LRP1B: variants seen among roughly 807,000 people sequenced by gnomAD.
LRP1B encodes low-density lipoprotein receptor-related protein 1B.
Under a neutral mutation model 556.6 loss-of-function variants are expected in LRP1B, and 217 were observed. That is an observed-to-expected ratio of 0.39 (90% confidence interval 0.35 to 0.44). The LOEUF is 0.44. LRP1B is among the 20% of genes least tolerant of loss of function. The pLI, the probability that LRP1B is intolerant of heterozygous loss-of-function variation, is 1.00. For synonymous variants in LRP1B, 2,047 were observed against 1,865.8 expected (o/e 1.10, Z -2.50); for missense variants, 5,053 against 5,620.8 (o/e 0.90, Z 3.23).
intron 32 of LRP1B, among the ~76,000 whole-genome samples, chr2:140,796,401 T>C (rs1174809987): frequency 1.3e-5 from 2 of 152,112 alleles, no homozygotes; most frequent in African/African-American, 4.8e-5. Context: ...TGTTGGAACA[T>C]AGTATTTTAA....
At chr2:140,940,959 T>C (rs569917123) in intron 20 of LRP1B, among the ~76,000 whole-genome samples, 2 of 152,254 alleles carry the variant, frequency 1.3e-5, no homozygotes, top group Admixed American at 6.5e-5. Context: ...GTGATCACCA[T>C]TCCGACTGGC....
intron 7 of LRP1B, among the ~76,000 whole-genome samples, chr2:141,162,353 T>C (rs967530856): frequency 2.0e-5 from 3 of 152,006 alleles, no homozygotes; most frequent in South Asian, 2.1e-4. Context: ...CTGGAAGGTA[T>C]GGGGACGAAA....
chr2:140,477,765 C>T (rs547954446), intron 59 of LRP1B, among the ~76,000 whole-genome samples: 1 of 152,206 alleles, frequency 6.6e-6, no homozygotes, highest in Non-Finnish European at 1.5e-5. Flanking sequence ...TGAAGTCCAA[C>T]ATTTGTTACA....
Position 140,885,647 on chromosome 2 carries a change from G to A in LRP1B, c.3964+491C>T, listed in dbSNP as rs554505808. On this transcript the variant is annotated intron_variant, in intron 24 of 90. Coordinates refer to ENST00000389484, the MANE Select transcript of LRP1B (RefSeq NM_018557.3). ...ATTATAGGTGTGAGCCACCACACCC[G>A]GCTATTTATATCAAAGACTTTCTAC... Among the ~76,000 whole-genome samples, 41 of 151,904 alleles carry A rather than the reference G, an allele frequency of 2.7e-4. No homozygotes were observed. In the South Asian group the frequency reaches 4.4e-3, roughly 16 times the overall value.
chr2:140,494,129 A>T (rs949515224), intron 56 of LRP1B, among the ~76,000 whole-genome samples: 22 of 152,212 alleles, frequency 1.4e-4, no homozygotes, highest in Admixed American at 1.2e-3. Flanking sequence ...TGCTTTAAGA[A>T]CACATTTTTA....
chr2:141,364,917 G>C (rs768750418), intron 3 of LRP1B, among the ~76,000 whole-genome samples: 2 of 152,118 alleles, frequency 1.3e-5, no homozygotes, highest in Non-Finnish European at 2.9e-5. Flanking sequence ...AAAATTTGTA[G>C]TTACTTGGAC....
chr2:140,539,499 C>T (rs1001687649), intron 45 of LRP1B, among the ~76,000 whole-genome samples: 13 of 152,062 alleles, frequency 8.5e-5, no homozygotes, highest in Non-Finnish European at 1.9e-4. Context: ...CAGTTTTCTT[C>T]CTGATTCATT....
chr2:140,646,349 G>A (rs921761623), intron 41 of LRP1B, among the ~76,000 whole-genome samples: 5 of 152,202 alleles, frequency 3.3e-5, no homozygotes, highest in Non-Finnish European at 7.3e-5. Context: ...GTTATATTTA[G>A]AGTTCTTACG....
intron 60 of LRP1B, among the ~76,000 whole-genome samples, chr2:140,462,600 C>G (rs1479185738): frequency 6.6e-6 from 1 of 152,146 alleles, no homozygotes; most frequent in Non-Finnish European, 1.5e-5. Context: ...ATCTAATGTC[C>G]TTGCAATGCA....
At chr2:140,817,378 T>C (rs1310313710) in intron 31 of LRP1B, among the ~76,000 whole-genome samples, 1 of 151,958 alleles carries the variant, frequency 6.6e-6, no homozygotes. Context: ...GAAAAATTTA[T>C]CTTTTTACTT....
rs1682932722 is a variant in LRP1B, at chr2:141,481,910, A to G, written c.206-1377T>C. On this transcript the variant is annotated intron_variant, in intron 2 of 90. Coordinates refer to ENST00000389484, the MANE Select transcript of LRP1B (RefSeq NM_018557.3). The stretch of plus-strand genomic sequence containing the variant: ...TCATAGTTAAGTAAAAAATGTTCTC[A>G]GAAGGTAAGTTGCTTTTTGGTAAAT... Among the ~76,000 whole-genome samples, 2 of 152,162 alleles carry G rather than the reference A, an allele frequency of 1.3e-5. 1 individual carries two copies. The highest frequency in any genetic ancestry group is 4.1e-4 in the South Asian group (2 of 4,830).
At chr2:141,133,873 T>C (rs890831560) in intron 7 of LRP1B, among the ~76,000 whole-genome samples, 1 of 151,906 alleles carries the variant, frequency 6.6e-6, no homozygotes, top group African/African-American at 2.4e-5. Context: ...TCTCCGAAGG[T>C]CCAGATCCTA....
At chr2:140,751,791 G>A (rs1010190299) in intron 35 of LRP1B, among the ~76,000 whole-genome samples, 1 of 152,022 alleles carries the variant, frequency 6.6e-6, no homozygotes, top group Non-Finnish European at 1.5e-5. Context: ...TTTAAACCAA[G>A]CTGCCCTGAT....
intron 32 of LRP1B, among the ~76,000 whole-genome samples, chr2:140,801,889 A>T (rs770635230): frequency 6.6e-6 from 1 of 152,140 alleles, no homozygotes. Flanking sequence ...CTCCGACAAG[A>T]AGTTAAGTTC....
At chr2:141,923,484 GTGTA>G (rs1441184637) in intron 1 of LRP1B, among the ~76,000 whole-genome samples, 1 of 101,144 alleles carries the variant, frequency 9.9e-6, no homozygotes, top group African/African-American at 3.1e-5. Context: ...GTGTGTGTGT[GTGTA>G]GAGAGAGGGA....
intron 35 of LRP1B, among the ~76,000 whole-genome samples, chr2:140,724,803 G>A (rs538627407): frequency 0.072 from 871 of 12,140 alleles, 8 homozygotes; most frequent in Non-Finnish European, 0.24. Context: ...TTTAATTATC[G>A]AGATAAAAAA....
At chr2:141,336,018 T>A (rs943101007) in intron 3 of LRP1B, among the ~76,000 whole-genome samples, 1 of 150,266 alleles carries the variant, frequency 6.7e-6, no homozygotes, top group African/African-American at 2.5e-5. Context: ...TTAGGCTCGA[T>A]GTTATCTCAG....
Position 141,759,388 on chromosome 2 carries a change from A to G in LRP1B, c.205+50891T>C, listed in dbSNP as rs115761900. Among the ~76,000 whole-genome samples the G allele has an allele frequency of 6.5e-3, 989 of 152,286 alleles. 14 individuals carry two copies. The highest frequency in any genetic ancestry group is 0.023 in the African/African-American group (952 of 41,558). ...AGATGTGCTATTAGAATGCAGAGTC[A>G]AGAGTGGTAAGATGAAAAATAAATT... On this transcript the variant is annotated intron_variant, in intron 2 of 90. Transcript: ENST00000389484.
chr2:140,700,561 T>C lies in LRP1B; in HGVS notation c.6488A>G (p.Asn2163Ser). The change falls in exon 41 of 91, where the codon AAT becomes AGT. Residue 2163 changes from asparagine to serine, a missense_variant. Physicochemically the swap from Asn to Ser is conservative, Grantham distance 46 (BLOSUM62 1). This residue lies in a region of LRP1B where 3,619 missense variants were observed against 3,931.9 expected (regional missense o/e 0.92). Coordinates refer to ENST00000389484, the MANE Select transcript of LRP1B (RefSeq NM_018557.3). ...GGCACAAGCACAAGTTCTCCGGGAA[T>C]TTCCTCGATAAAGACAGAGTTGCTT... ...GCKQLCLYRG[N>S]SRRTCACAHG... 1 of 1,613,578 alleles carries C rather than the reference T, an allele frequency of 6.2e-7. No homozygotes were observed. Among genetic ancestry groups the C allele is most frequent in the Non-Finnish European group, 8.5e-7 (1 of 1,179,654 alleles).
Sources: allele counts gnomAD v4.1 joint callset (sites outside exome capture counted in the v4.1 genomes callset), GRCh38; gene constraint gnomAD v4.1.1; regional missense constraint gnomAD v4.1.1; transcripts MANE v1.5; gene names NCBI Gene and HGNC (gene_info 2026-07-23, HGNC 2026-07-21).